The following ESR1 variants were observed in gnomAD, a reference collection of about 807,000 sequenced individuals.
The protein encoded by ESR1 is estrogen receptor 1, also known as estrogen receptor.
A neutral mutation model predicts 52.7 loss-of-function variants in ESR1; 12 were observed. The ratio of observed to expected loss-of-function variants is 0.23; its 90% CI spans 0.15 to 0.37. The LOEUF is 0.37. Ranked by LOEUF, ESR1 falls within the 10% of genes least tolerant of loss-of-function variation. ESR1 has a pLI of 1.00. For missense variants in ESR1, 584 were observed against 779.7 expected (o/e 0.75, Z 2.99); for synonymous variants, 305 against 316.8 (o/e 0.96, Z 0.39).
At chr6:152,116,030 T>C (rs1482719687) in intron 6 of ESR1, among the ~76,000 whole-genome samples, 1 of 152,212 alleles carries the variant, frequency 6.6e-6, no homozygotes, top group Non-Finnish European at 1.5e-5. Flanking sequence ...ATTAATAATT[T>C]GGGAATAAGT....
chr6:151,951,838 T>G lies in ESR1; in HGVS notation c.1096+7330T>G, dbSNP rs1027013787. Among the ~76,000 whole-genome samples the G allele has an allele frequency of 5.3e-5, 8 of 152,354 alleles. No individual in the cohort carries two copies. The East Asian group carries it at 1.5e-3, about 29-fold the overall frequency. On this transcript the variant is annotated intron_variant, in intron 4 of 7. Transcript: ENST00000206249. ...TTGTCCCTTTACCATCAAGCTCAGT[T>G]GCTTCTCCTACTCCTCTCCCTTCTG...
intron 5 of ESR1, among the ~76,000 whole-genome samples, chr6:152,017,444 A>G (rs2043251824): frequency 6.6e-6 from 1 of 152,164 alleles, no homozygotes; most frequent in Non-Finnish European, 1.5e-5. Flanking sequence ...GGTATAAATA[A>G]AGAACCCAGT....
chr6:151,712,965 G>C (rs1780737306), intron 2 of ESR1, among the ~76,000 whole-genome samples: 1 of 152,144 alleles, frequency 6.6e-6, no homozygotes, highest in Non-Finnish European at 1.5e-5. Flanking sequence ...TATAGTATTA[G>C]CTGTGGGCTT....
intron 5 of ESR1, among the ~76,000 whole-genome samples, chr6:152,060,049 T>C (rs2047423994): frequency 1.3e-5 from 2 of 152,066 alleles, no homozygotes; most frequent in African/African-American, 4.8e-5. Flanking sequence ...AAACACATCA[T>C]GCCAAAATTC....
intron 4 of ESR1, among the ~76,000 whole-genome samples, chr6:151,966,276 T>C (rs968720683): frequency 8.5e-5 from 13 of 152,200 alleles, no homozygotes; most frequent in Admixed American, 6.5e-4. Flanking sequence ...CTCTTATTTC[T>C]TTCATATCAC....
chr6:151,750,678 A>G (rs1195820282), intron 2 of ESR1, among the ~76,000 whole-genome samples: 1 of 152,232 alleles, frequency 6.6e-6, no homozygotes, highest in Non-Finnish European at 1.5e-5. Flanking sequence ...ACAGTAAAAC[A>G]AGACCTTTTC....
At chr6:151,783,285 T>C (rs150622796) in intron 2 of ESR1, among the ~76,000 whole-genome samples, 1,995 of 152,354 alleles carry the variant, frequency 0.013, 24 homozygotes, top group Middle Eastern at 0.11. Flanking sequence ...GCCCTGTGTC[T>C]ATCTCTTCTT....
At chr6:151,673,655 G>A (rs7744114) in intron 1 of ESR1, among the ~76,000 whole-genome samples, 2,825 of 152,196 alleles carry the variant, frequency 0.019, 72 homozygotes, top group African/African-American at 0.057. Flanking sequence ...GGCCGAGGTG[G>A]GAGAATCACT....
At chr6:151,791,082 G>A (rs945086920) in intron 2 of ESR1, among the ~76,000 whole-genome samples, 1 of 152,064 alleles carries the variant, frequency 6.6e-6, no homozygotes, top group African/African-American at 2.4e-5. Flanking sequence ...CCAGACGGCT[G>A]GTCTGCTGCC....
chr6:151,794,923 A>G (rs1776542365), intron 2 of ESR1, among the ~76,000 whole-genome samples: 1 of 151,840 alleles, frequency 6.6e-6, no homozygotes, highest in Non-Finnish European at 1.5e-5. Flanking sequence ...TTCGTCCAAA[A>G]CCTTTGGGCC....
intron 6 of ESR1, among the ~76,000 whole-genome samples, chr6:152,111,333 A>T (rs1249731935): frequency 6.6e-6 from 1 of 152,240 alleles, no homozygotes; most frequent in Non-Finnish European, 1.5e-5. Context: ...TGGCCAGGCC[A>T]GGCTGGGTGC....
At chr6:151,683,063 C>A (rs1373105334) in intron 1 of ESR1, among the ~76,000 whole-genome samples, 1 of 152,230 alleles carries the variant, frequency 6.6e-6, no homozygotes, top group Non-Finnish European at 1.5e-5. Context: ...AATGCCTGCT[C>A]TTTGGTCTTA....
chr6:152,014,344 G>A (rs933912401), intron 5 of ESR1, among the ~76,000 whole-genome samples: 5 of 152,088 alleles, frequency 3.3e-5, no homozygotes, highest in East Asian at 1.9e-4. Context: ...CTCCAGTTAC[G>A]ATAACTAACA....
chr6:151,677,976 C>T (rs190840114), intron 1 of ESR1, among the ~76,000 whole-genome samples: 2,220 of 98,422 alleles, frequency 0.023, 26 homozygotes, highest in East Asian at 0.038. Context: ...ATTAATAAAA[C>T]GTAATGAAAG....
At chr6:151,899,846 G>A (rs1381350830) in intron 3 of ESR1, among the ~76,000 whole-genome samples, 1 of 151,784 alleles carries the variant, frequency 6.6e-6, no homozygotes, top group Non-Finnish European at 1.5e-5. Flanking sequence ...GATGGCGGCC[G>A]GGAAGAGGCG....
upstream of ESR1, among the ~76,000 whole-genome samples, chr6:151,686,088 T>TTTTA (rs142764831): frequency 0.011 from 1,639 of 142,866 alleles, 27 homozygotes; most frequent in African/African-American, 0.037. Context: ...TTTTTTTTTT[T>TTTTA]ATTTAGAGAC....
chr6:151,887,371 A>G (rs1391120477), intron 3 of ESR1, among the ~76,000 whole-genome samples: 1 of 152,062 alleles, frequency 6.6e-6, no homozygotes, highest in African/African-American at 2.4e-5. Context: ...AAAACTCCCC[A>G]TATTATAATT....
At chr6:152,046,979 C>T (rs552354201) in intron 5 of ESR1, among the ~76,000 whole-genome samples, 13 of 152,288 alleles carry the variant, frequency 8.5e-5, no homozygotes, top group South Asian at 2.1e-4. Context: ...GAACCAACCA[C>T]GAAAATAACC....
intron 6 of ESR1, among the ~76,000 whole-genome samples, chr6:152,078,471 T>G (rs1352212840): frequency 6.6e-6 from 1 of 152,202 alleles, no homozygotes; most frequent in Non-Finnish European, 1.5e-5. Flanking sequence ...AAAACATTTT[T>G]TTTTCCATTT....
Sources: gnomAD v4.1 joint callset for allele counts (sites outside exome capture counted in the v4.1 genomes callset) on GRCh38, gnomAD v4.1.1 for gene constraint, MANE v1.5 for transcripts, NCBI Gene and HGNC (gene_info 2026-07-23, HGNC 2026-07-21) for gene names.